ZFHX3: variants seen among roughly 807,000 people sequenced by gnomAD.
ZFHX3 encodes the protein zinc finger homeobox protein 3.
ZFHX3 carries 42 observed loss-of-function variants against 279.1 expected under a neutral mutation model. That is an observed-to-expected ratio of 0.15 (90% CI 0.12 to 0.19). The LOEUF is 0.19. ZFHX3 is among the 10% of genes least tolerant of loss of function. The pLI is 1.00. For missense variants in ZFHX3, 4,981 were observed against 4,754.0 expected (o/e 1.05, Z -1.40); for synonymous variants, 2,293 against 1,957.8 (o/e 1.17, Z -4.52).
In ZFHX3 at chr16:73,446,905, G is replaced by A. The variant is rs188504497; in HGVS notation, c.-1291+9098C>T. ...TTAAAAGTAAAACAAAAAAGGCTGGGCACGGTGGCTCACACCTGTAATCCC... is the reference window on the plus strand; with the variant it reads ...TTAAAAGTAAAACAAAAAAGGCTGGACACGGTGGCTCACACCTGTAATCCC... On this transcript the variant is annotated intron_variant, in intron 3 of 17. Coordinates refer to the ZFHX3 transcript ENST00000641206. Among the ~76,000 whole-genome samples, 137 of 152,176 alleles carry A rather than the reference G, an allele frequency of 9.0e-4. 1 individual carries two copies. Among genetic ancestry groups the A allele is most frequent in the African/African-American group, 3.3e-3 (135 of 41,528 alleles).
chr16:72,822,795 G>GTT lies in ZFHX3; in HGVS notation c.3529+6982_3529+6983dup, dbSNP rs11365314. ...ATATGACAACACTTCTAGAAAGTGA[G>GTT]TTTTTTTTTTTTTTTTTTTTTGCAT... On this transcript the variant is annotated intron_variant, in intron 5 of 9. Coordinates refer to ENST00000268489, the MANE Select transcript of ZFHX3 (RefSeq NM_006885.4). Among the ~76,000 whole-genome samples, 440 of 90,430 alleles carry GTT rather than the reference G, an allele frequency of 4.9e-3. 6 individuals are homozygous for GTT. Among genetic ancestry groups the GTT allele is most frequent in the African/African-American group, 0.017 (365 of 21,524 alleles). 59.3% of individuals were successfully genotyped at this position (90,430 alleles called of 152,430 possible).
intron 1 of ZFHX3, among the ~76,000 whole-genome samples, chr16:73,773,495 T>C (rs951162113): frequency 6.6e-6 from 1 of 152,104 alleles, no homozygotes; most frequent in African/African-American, 2.4e-5. Context: ...GGATAAGCAG[T>C]GAATAAGGAT....
chr16:73,100,702 A>G (rs1966220350), intron 7 of ZFHX3, among the ~76,000 whole-genome samples: 1 of 151,424 alleles, frequency 6.6e-6, no homozygotes, highest in Non-Finnish European at 1.5e-5. Context: ...GGTTCAAGTG[A>G]TTCTCCTGCC....
rs148968705 is a variant in ZFHX3, at chr16:73,887,930, T to A, written c.-1608+3721A>T. Reference sequence around the variant, plus strand: ...TTCAAGAGAAGATATAAGTGCTAAGTCCTCATCTTAGGTTGGACTATTTGA... The same window carrying A: ...TTCAAGAGAAGATATAAGTGCTAAGACCTCATCTTAGGTTGGACTATTTGA... On this transcript the variant is annotated intron_variant, in intron 1 of 17. Coordinates refer to the ZFHX3 transcript ENST00000641206. Among the ~76,000 whole-genome samples the A allele has an allele frequency of 4.9e-3, 743 of 152,244 alleles. 7 individuals are homozygous for A. The highest frequency in any genetic ancestry group is 7.1e-3 in the Non-Finnish European group (480 of 68,020).
chr16:73,677,637 T>C (rs2052968166), intron 2 of ZFHX3, among the ~76,000 whole-genome samples: 2 of 151,918 alleles, frequency 1.3e-5, no homozygotes, highest in African/African-American at 4.8e-5. Context: ...AATATTTTGT[T>C]TGCATCTATA....
intron 2 of ZFHX3, among the ~76,000 whole-genome samples, chr16:73,586,620 TATATATAAAATAAAA>T (rs976809803): frequency 5.9e-5 from 9 of 152,136 alleles, no homozygotes; most frequent in African/African-American, 1.9e-4. Context: ...CACAGCCTCA[TATATATAAAATAAAA>T]ATTGATAGGA....
intron 5 of ZFHX3, among the ~76,000 whole-genome samples, chr16:73,198,352 T>G (rs1261642297): frequency 1.3e-5 from 2 of 151,954 alleles, no homozygotes; most frequent in Non-Finnish European, 1.5e-5. Context: ...TTTTTTTTTT[T>G]TTTTTTGAAG....
At chr16:73,467,785 A>G (rs1597346772) in intron 2 of ZFHX3, among the ~76,000 whole-genome samples, 1 of 152,322 alleles carries the variant, frequency 6.6e-6, no homozygotes, top group East Asian at 1.9e-4. Flanking sequence ...AATTATCCCA[A>G]AAGAGCAGCT....
intron 2 of ZFHX3, among the ~76,000 whole-genome samples, chr16:73,556,727 G>A (rs556609450): frequency 6.6e-6 from 1 of 152,066 alleles, no homozygotes; most frequent in South Asian, 2.1e-4. Flanking sequence ...GGAGTGGGGG[G>A]CTTACCCATC....
At chr16:73,582,644 T>G (rs2051874150) in intron 2 of ZFHX3, among the ~76,000 whole-genome samples, 1 of 151,716 alleles carries the variant, frequency 6.6e-6, no homozygotes, top group Admixed American at 6.6e-5. Flanking sequence ...CCAGCAAATT[T>G]TTTGTATTTT....
chr16:73,777,055 A>C (rs1208130194), intron 1 of ZFHX3, among the ~76,000 whole-genome samples: 1 of 152,136 alleles, frequency 6.6e-6, no homozygotes, highest in East Asian at 1.9e-4. Context: ...CCTATTTCAC[A>C]AGCTAGCATC....
At chr16:72,816,824 A>C (rs549306670) in intron 5 of ZFHX3, among the ~76,000 whole-genome samples, 6 of 152,342 alleles carry the variant, frequency 3.9e-5, no homozygotes, top group Non-Finnish European at 7.4e-5. Context: ...AGGGAAGCAC[A>C]GTTGTCAATA....
intron 4 of ZFHX3, among the ~76,000 whole-genome samples, chr16:73,309,200 A>AGTT (rs1399787629): frequency 6.6e-6 from 1 of 152,052 alleles, no homozygotes. Context: ...AGTACCCCAT[A>AGTT]GTTGTTTTTT....
intron 2 of ZFHX3, among the ~76,000 whole-genome samples, chr16:73,533,706 G>A (rs1261686230): frequency 1.3e-5 from 2 of 152,150 alleles, no homozygotes; most frequent in East Asian, 3.9e-4. Context: ...TCATCCCTCA[G>A]CCTTAGGCAT....
chr16:73,165,711 G>A (rs994372003), intron 5 of ZFHX3, among the ~76,000 whole-genome samples: 2 of 152,136 alleles, frequency 1.3e-5, no homozygotes, highest in African/African-American at 2.4e-5. Flanking sequence ...GGTAGAGTAC[G>A]TGTTCCATTA....
intron 3 of ZFHX3, among the ~76,000 whole-genome samples, chr16:72,931,568 A>T (rs944560223): frequency 2.2e-5 from 2 of 90,736 alleles, no homozygotes; most frequent in Non-Finnish European, 5.0e-5. Flanking sequence ...GCACCATTTA[A>T]AAAAAAAAAA....
chr16:73,461,329 G>A (rs965905610), intron 2 of ZFHX3, among the ~76,000 whole-genome samples: 3 of 152,040 alleles, frequency 2.0e-5, no homozygotes, highest in Non-Finnish European at 4.4e-5. Context: ...TGGGGTTTCA[G>A]GTATCTTCTC....
rs546718832 is a variant in ZFHX3 at position 73,365,835 on chromosome 16, G to A, written c.-1290-47499C>T. Among the ~76,000 whole-genome samples the A allele has an allele frequency of 2.0e-5, 3 of 152,280 alleles. No homozygotes were observed. The East Asian group carries it at 5.8e-4, about 29-fold the overall frequency. ...GCTCAGGCTTGATAGAGATTCCCAGGTGCAGGCAAGAGGAATGTTCCAGGC... is the reference window on the plus strand; with the variant it reads ...GCTCAGGCTTGATAGAGATTCCCAGATGCAGGCAAGAGGAATGTTCCAGGC... On this transcript the variant is annotated intron_variant, in intron 3 of 17. Coordinates refer to the ZFHX3 transcript ENST00000641206.
intron 4 of ZFHX3, among the ~76,000 whole-genome samples, chr16:73,315,450 A>G (rs2015424113): frequency 1.3e-5 from 2 of 152,104 alleles, no homozygotes; most frequent in Non-Finnish European, 2.9e-5. Flanking sequence ...TTCTCAGTTT[A>G]ATTTCACTTT....
Sources: gnomAD v4.1 joint callset for allele counts (sites outside exome capture counted in the v4.1 genomes callset) on GRCh38, gnomAD v4.1.1 for gene constraint, MANE v1.5 for transcripts, NCBI Gene and HGNC (gene_info 2026-07-23, HGNC 2026-07-21) for gene names.